Variants in SAV1 observed in about 807,000 individuals in gnomAD.
The protein encoded by SAV1 is salvador family WW domain containing protein 1.
In SAV1, 23 loss-of-function variants were observed where a neutral mutation model predicts 47.3. The ratio of observed to expected loss-of-function variants is 0.49; its 90% CI spans 0.35 to 0.69. The LOEUF (loss-of-function observed/expected upper bound fraction) is 0.69. Ranked by LOEUF, SAV1 falls within the 30% of genes least tolerant of loss-of-function variation. SAV1 has a pLI of 0.01. For synonymous variants in SAV1, 155 were observed against 159.2 expected (o/e 0.97, Z 0.20); for missense variants, 448 against 457.4 (o/e 0.98, Z 0.19).
intron 2 of SAV1, among the ~76,000 whole-genome samples, chr14:50,650,073 TTTAAAA>T (rs2039754556): frequency 6.6e-6 from 1 of 152,208 alleles, no homozygotes. Flanking sequence ...TAGAAGAAAC[TTTAAAA>T]TTAAGGTAAA....
intron 4 of SAV1, among the ~76,000 whole-genome samples, chr14:50,640,491 T>C (rs1360499556): frequency 6.6e-6 from 1 of 152,202 alleles, no homozygotes; most frequent in Non-Finnish European, 1.5e-5. Context: ...AGAATGTAAG[T>C]TTCTTACTTG....
At chr14:50,646,279 C>T (rs1315215681) in intron 2 of SAV1, among the ~76,000 whole-genome samples, 1 of 152,146 alleles carries the variant, frequency 6.6e-6, no homozygotes, top group Admixed American at 6.5e-5. Context: ...AATCTCTCTC[C>T]CTCTCTCTTG....
At chr14:50,655,015 G>T (rs1343615131) in intron 2 of SAV1, among the ~76,000 whole-genome samples, 1 of 152,164 alleles carries the variant, frequency 6.6e-6, no homozygotes, top group Non-Finnish European at 1.5e-5. Context: ...TTTAAAGATG[G>T]TGACAATAAA....
At chr14:50,667,617 G>C (rs2039913728) in intron 1 of SAV1, 4 of 509,956 alleles carry the variant, frequency 7.8e-6, no homozygotes, top group African/African-American at 2.0e-5. Flanking sequence ...AACTCTGCCT[G>C]GTGGGGCGAG....
Position 50,633,800 on chromosome 14 carries a change from G to A in SAV1, c.*1383C>T, listed in dbSNP as rs1245298275. On this transcript the variant is annotated 3_prime_UTR_variant, in exon 5 of 5. Coordinates refer to ENST00000324679, the MANE Select transcript of SAV1 (RefSeq NM_021818.4). ...GTATATTTACATATTTACAACACAT[G>A]TAAATATAACTGAAGAACTACTTCA... The A allele has an allele frequency of 6.5e-6, 1 of 153,858 alleles. No individual in the cohort carries two copies. The highest frequency in any genetic ancestry group is 1.5e-5 in the Non-Finnish European group (1 of 68,904). The allele number at this position is 153,858 out of a possible 1,614,324, so 9.5% of individuals were successfully genotyped here. A position where few individuals can be genotyped will look rare whatever the true frequency, so the allele number is the denominator to read the frequency against.
At chr14:50,636,134 GATTTCA>G (rs2039632928) in intron 4 of SAV1, among the ~76,000 whole-genome samples, 1 of 152,142 alleles carries the variant, frequency 6.6e-6, no homozygotes, top group South Asian at 2.1e-4. Flanking sequence ...CTTGAACACA[GATTTCA>G]AACTACAGTG....
In SAV1 at chr14:50,635,088, AAGC is replaced by A. The variant is rs2039622980; in HGVS notation, c.*92_*94del. ...TAGAATTTTATAATTTCCACAAAGG[AAGC>A]AGCATTTATTAACCAGAGTACTTGT... On this transcript the variant is annotated 3_prime_UTR_variant, in exon 5 of 5. Transcript: ENST00000324679. The A allele has an allele frequency of 2.5e-6, 2 of 808,702 alleles. No homozygotes were observed. The highest frequency in any genetic ancestry group is 2.0e-6 in the Non-Finnish European group (1 of 503,246). 50.1% of individuals were successfully genotyped at this position (808,702 alleles called of 1,614,324 possible). A position where few individuals can be genotyped will look rare whatever the true frequency, so the allele number is the denominator to read the frequency against.
intron 2 of SAV1, among the ~76,000 whole-genome samples, chr14:50,651,571 C>A (rs1326721289): frequency 6.6e-6 from 1 of 152,178 alleles, no homozygotes; most frequent in Non-Finnish European, 1.5e-5. Flanking sequence ...GTACATGAAG[C>A]AGCTAAAGCA....
At position 50,664,963 on chromosome 14, in the gene SAV1, C is replaced by G. The variant is rs114196264; in HGVS notation, c.535+216G>C. ...AGCCTTGAGATAAATACCAAGTTTA[C>G]ATAACATGAGTTAATAAAATAAATG... On this transcript the variant is annotated intron_variant, in intron 2 of 4. Transcript: ENST00000324679. 1,505 of 517,554 alleles carry G rather than the reference C, an allele frequency of 2.9e-3. 11 individuals carry two copies. Among genetic ancestry groups the G allele is most frequent in the African/African-American group, 0.027 (1,343 of 50,098 alleles). 32.1% of individuals were successfully genotyped at this position (517,554 alleles called of 1,614,324 possible).
intron 2 of SAV1, among the ~76,000 whole-genome samples, chr14:50,646,251 T>C (rs2039720561): frequency 6.6e-6 from 1 of 152,210 alleles, no homozygotes; most frequent in African/African-American, 2.4e-5. Context: ...ATTATTATAA[T>C]AAAAACTGGG....
intron 2 of SAV1, among the ~76,000 whole-genome samples, chr14:50,645,291 C>T (rs2039712922): frequency 6.6e-6 from 1 of 152,096 alleles, no homozygotes; most frequent in South Asian, 2.1e-4. Flanking sequence ...GGTTGAGCAT[C>T]CCTAATCCAA....
intron 4 of SAV1, 107 bp from the exon 5 acceptor site, chr14:50,635,491 A>T: frequency 3.4e-6 from 3 of 874,024 alleles, no homozygotes; most frequent in Non-Finnish European, 5.2e-6. Context: ...TTATAACTAA[A>T]CAAACCATAA....
chr14:50,654,604 G>A (rs2039796865), intron 2 of SAV1, among the ~76,000 whole-genome samples: 2 of 152,194 alleles, frequency 1.3e-5, no homozygotes, highest in Admixed American at 6.5e-5. Flanking sequence ...GTGACACAGA[G>A]ACATGAAATG....
chr14:50,649,132 TC>T (rs1461733897), intron 2 of SAV1, among the ~76,000 whole-genome samples: 1 of 152,196 alleles, frequency 6.6e-6, no homozygotes, highest in Non-Finnish European at 1.5e-5. Context: ...AGAAGATTCT[TC>T]CTTCAGATAT....
Position 50,644,897 on chromosome 14 carries a change from A to T in SAV1, c.653T>A (p.Ile218Lys). ...DWTMRGRKYY[I>K]DHNTNTTHWS... ...GTGAGTTGTATTTGTGTTATGATCT[A>T]TATAATATTTTCTCCCTCTCATTGT... Residue 218 changes from isoleucine to lysine, a missense_variant, in exon 3 of 5, where the codon ATA (isoleucine) becomes AAA (lysine). Coordinates refer to ENST00000324679, the MANE Select transcript of SAV1 (RefSeq NM_021818.4). The T allele has an allele frequency of 3.1e-6, 5 of 1,614,142 alleles. No homozygotes were observed. The South Asian group carries it at 4.4e-5, about 14-fold the overall frequency.
chr14:50,634,080 T>A lies in SAV1; in HGVS notation c.*1103A>T. The A allele has an allele frequency of 3.0e-6, 1 of 332,014 alleles. No homozygotes were observed. The highest frequency in any genetic ancestry group is 6.3e-6 in the Non-Finnish European group (1 of 158,946). 20.6% of individuals were successfully genotyped at this position (332,014 alleles called of 1,614,324 possible). A position where few individuals can be genotyped will look rare whatever the true frequency, so the allele number is the denominator to read the frequency against. ...TTGAATCCCTGGTTGTCATTTTTGG[T>A]AGCTTAACCCAGTCTGTCAGAAGGC... On this transcript the variant is annotated 3_prime_UTR_variant, in exon 5 of 5. Coordinates refer to ENST00000324679, the MANE Select transcript of SAV1 (RefSeq NM_021818.4).
chr14:50,660,009 A>C (rs1003195379), intron 2 of SAV1, among the ~76,000 whole-genome samples: 10 of 152,148 alleles, frequency 6.6e-5, no homozygotes, highest in African/African-American at 2.4e-4. Context: ...TTAAACAGTA[A>C]CCTGCCATTT....
At chr14:50,648,563 A>G (rs1264636937) in intron 2 of SAV1, among the ~76,000 whole-genome samples, 1 of 152,128 alleles carries the variant, frequency 6.6e-6, no homozygotes, top group African/African-American at 2.4e-5. Flanking sequence ...GCAGATCATG[A>G]GGTCAGGAGA....
rs1166942227 is a variant in SAV1 at position 50,640,826 on chromosome 14, G to A, written c.874C>T (p.Leu292Phe). The A allele has an allele frequency of 1.2e-6, 2 of 1,613,886 alleles. No homozygotes were observed. Among genetic ancestry groups the A allele is most frequent in the Non-Finnish European group, 1.7e-6 (2 of 1,179,892 alleles). Residue 292 changes from leucine to phenylalanine, a missense_variant, in exon 4 of 5, where the codon CTT becomes TTT. Coordinates refer to ENST00000324679, the MANE Select transcript of SAV1 (RefSeq NM_021818.4). ...TGATATGGATTTGCAGGTACCAGAA[G>A]GGACTGATTTCTTTCAGTTTGCTGT... ...QPQQTERNQS[L>F]LVPANPYHTA...
Sources: gnomAD v4.1 joint callset for allele counts (sites outside exome capture counted in the v4.1 genomes callset) on GRCh38, gnomAD v4.1.1 for gene constraint, MANE v1.5 for transcripts, NCBI Gene and HGNC (gene_info 2026-07-23, HGNC 2026-07-21) for gene names.